SMAD5: variants seen among roughly 807,000 people sequenced by gnomAD.
SMAD5 encodes SMAD family member 5.
In SMAD5, 9 loss-of-function variants were observed where a neutral mutation model predicts 43.1. The observed-to-expected ratio is 0.21, with a 90% CI of 0.13 to 0.36. The LOEUF is 0.36. Among genes scored for constraint, SMAD5 ranks in the 10% least tolerant of loss-of-function variants. The pLI, the probability that SMAD5 is intolerant of heterozygous loss-of-function variation, is 1.00. For missense variants in SMAD5, 348 were observed against 574.0 expected, an observed-to-expected ratio of 0.61 and a Z score of 4.02; for synonymous variants, 190 against 192.4, an observed-to-expected ratio of 0.99 and a Z score of 0.10.
intron 1 of SMAD5, among the ~76,000 whole-genome samples, chr5:136,138,013 A>G (rs1404023217): frequency 6.6e-6 from 1 of 152,144 alleles, no homozygotes; most frequent in Non-Finnish European, 1.5e-5. Context: ...ACAAAGATTG[A>G]CCAGCTCTGT....
At position 136,182,642 on chromosome 5, in the gene SMAD5, A is replaced by C. The variant is rs1474439070; in HGVS notation, c.*5162A>C. On this transcript the variant is annotated 3_prime_UTR_variant, in exon 8 of 8. Transcript: ENST00000545279. ...TACTTATGAAAATGTATTAGGTTTT[A>C]CTATATTGTGCTTTTGAAAGCCATA... The C allele has an allele frequency of 6.6e-6, 1 of 152,648 alleles. No individual in the cohort carries two copies. Among genetic ancestry groups the C allele is most frequent in the East Asian group, 1.9e-4 (1 of 5,202 alleles). The allele number at this position is 152,648 out of a possible 1,614,324, so 9.5% of individuals were successfully genotyped here.
At chr5:136,142,685 C>T (rs1209614158) in intron 1 of SMAD5, among the ~76,000 whole-genome samples, 1 of 152,062 alleles carries the variant, frequency 6.6e-6, no homozygotes, top group Admixed American at 6.6e-5. Context: ...TAAGTCCCTC[C>T]AGTTTCTAGT....
chr5:136,153,550 G>T (rs1753536249), intron 2 of SMAD5, 42 bp from the exon 3 acceptor site: 2 of 461,860 alleles, frequency 4.3e-6, no homozygotes, highest in South Asian at 4.4e-5. Flanking sequence ...TGTATATATT[G>T]AATTGATTTA....
intron 1 of SMAD5, chr5:136,133,500 G>A (rs920197139): frequency 1.3e-5 from 2 of 152,278 alleles, no homozygotes; most frequent in African/African-American, 4.8e-5. Context: ...GGGCAGTTGT[G>A]ACCGGCTACT....
chr5:136,134,018 T>A (rs1752777601), intron 1 of SMAD5: 1 of 104,358 alleles, frequency 9.6e-6, no homozygotes, highest in Non-Finnish European at 1.8e-5. Context: ...AGACAATGTT[T>A]CCTGACCAGC....
At chr5:136,165,112 A>G (rs919336127) in intron 5 of SMAD5, among the ~76,000 whole-genome samples, 3 of 151,618 alleles carry the variant, frequency 2.0e-5, no homozygotes, top group African/African-American at 7.3e-5. Flanking sequence ...TTTTCCCCCT[A>G]TTTTTTTGTT....
chr5:136,151,368 T>C (rs1487695391), intron 2 of SMAD5, among the ~76,000 whole-genome samples: 1 of 152,100 alleles, frequency 6.6e-6, no homozygotes, highest in Non-Finnish European at 1.5e-5. Flanking sequence ...AATTCCTCTT[T>C]CAGGAGGTGA....
intron 5 of SMAD5, among the ~76,000 whole-genome samples, chr5:136,170,742 T>C (rs1335184238): frequency 1.3e-5 from 2 of 152,212 alleles, no homozygotes; most frequent in African/African-American, 4.8e-5. Context: ...AGTTCTTTGA[T>C]TTCTTTCATC....
chr5:136,148,965 A>G (rs1753358231), intron 2 of SMAD5, among the ~76,000 whole-genome samples: 1 of 151,846 alleles, frequency 6.6e-6, no homozygotes, highest in East Asian at 1.9e-4. Context: ...TGCATATGGT[A>G]TACATCCATG....
chr5:136,179,864 G>GT lies in SMAD5; in HGVS notation c.*2385dup, dbSNP rs1454503698. On this transcript the variant is annotated 3_prime_UTR_variant, in exon 8 of 8. Coordinates refer to ENST00000545279, the MANE Select transcript of SMAD5 (RefSeq NM_005903.7). ...ATGTAATCAACTTCATTGGGCTGCA[G>GT]TAAACTAGTGGAAATTAGAGAGTTG... 6.6e-6 allele frequency: 1 copy of GT among 152,198 alleles called. No homozygotes were observed. Among genetic ancestry groups the GT allele is most frequent in the Non-Finnish European group, 1.5e-5 (1 of 68,040 alleles). 9.4% of individuals were successfully genotyped at this position (152,198 alleles called of 1,614,324 possible). A position where few individuals can be genotyped will look rare whatever the true frequency, so the allele number is the denominator to read the frequency against.
intron 5 of SMAD5, among the ~76,000 whole-genome samples, chr5:136,163,678 T>C (rs1216333072): frequency 6.6e-6 from 1 of 152,162 alleles, no homozygotes; most frequent in Non-Finnish European, 1.5e-5. Flanking sequence ...TACCTGTAGA[T>C]TTTATCTTTT....
chr5:136,133,949 C>T (rs988843326), intron 1 of SMAD5: 2 of 149,258 alleles, frequency 1.3e-5, no homozygotes, highest in African/African-American at 2.5e-5. Context: ...GGGGCTTAGG[C>T]AAGCCTGTAG....
intron 1 of SMAD5, among the ~76,000 whole-genome samples, chr5:136,138,879 T>A (rs1189295523): frequency 6.6e-6 from 1 of 152,214 alleles, no homozygotes; most frequent in Non-Finnish European, 1.5e-5. Flanking sequence ...TTTGTTGATT[T>A]AAAAACCCCA....
Position 136,182,169 on chromosome 5 carries a change from A to G in SMAD5, c.*4689A>G, listed in dbSNP as rs1754649639. ...CCTCATTAATAGTGCCTTCTTAATT[A>G]ATACAGACTGGTGTTAGCTATAACA... On this transcript the variant is annotated 3_prime_UTR_variant, in exon 8 of 8. Coordinates refer to ENST00000545279, the MANE Select transcript of SMAD5 (RefSeq NM_005903.7). 1 of 152,170 alleles carries G rather than the reference A, an allele frequency of 6.6e-6. No homozygotes were observed. The highest frequency in any genetic ancestry group is 1.9e-4 in the East Asian group (1 of 5,182). The allele number at this position is 152,170 out of a possible 1,614,324, so 9.4% of individuals were successfully genotyped here. A position where few individuals can be genotyped will look rare whatever the true frequency, so the allele number is the denominator to read the frequency against.
intron 7 of SMAD5, among the ~76,000 whole-genome samples, chr5:136,175,415 C>A (rs1754380072): frequency 1.3e-5 from 2 of 152,134 alleles, no homozygotes. Flanking sequence ...TCATTCCTAG[C>A]TAAGTACTGT....
intron 5 of SMAD5, among the ~76,000 whole-genome samples, chr5:136,170,769 C>T (rs1305051135): frequency 6.6e-6 from 1 of 152,074 alleles, no homozygotes; most frequent in Non-Finnish European, 1.5e-5. Flanking sequence ...TTGTAGTCTT[C>T]CTCATAGAGC....
chr5:136,173,943 G>GT (rs562366888), intron 6 of SMAD5, among the ~76,000 whole-genome samples: 1,992 of 150,018 alleles, frequency 0.013, 43 homozygotes, highest in African/African-American at 0.046. Flanking sequence ...TGTAACTTTG[G>GT]TTTTTTTTTA....
chr5:136,137,790 G>A (rs1752939566), intron 1 of SMAD5, among the ~76,000 whole-genome samples: 1 of 152,168 alleles, frequency 6.6e-6, no homozygotes, highest in African/African-American at 2.4e-5. Context: ...GATGACACTA[G>A]AGCTGAAAAG....
intron 5 of SMAD5, among the ~76,000 whole-genome samples, chr5:136,163,961 C>T (rs1753911610): frequency 6.6e-6 from 1 of 152,088 alleles, no homozygotes; most frequent in Non-Finnish European, 1.5e-5. Context: ...CGGGTGGATC[C>T]CTTGAGATCT....
Sources: gnomAD v4.1 joint callset for allele counts (sites outside exome capture counted in the v4.1 genomes callset) on GRCh38, gnomAD v4.1.1 for gene constraint, MANE v1.5 for transcripts, NCBI Gene and HGNC (gene_info 2026-07-23, HGNC 2026-07-21) for gene names.